TCEA1: variants seen among roughly 807,000 people sequenced by gnomAD.
The protein encoded by TCEA1 is transcription elongation factor A1.
Under a neutral mutation model 43.8 loss-of-function variants are expected in TCEA1, and 21 were observed. The observed-to-expected ratio is 0.48, with a 90% CI of 0.34 to 0.69. The LOEUF (loss-of-function observed/expected upper bound fraction) is 0.69. Ranked by LOEUF, TCEA1 falls within the 30% of genes least tolerant of loss-of-function variation. The pLI, the probability that TCEA1 is intolerant of heterozygous loss-of-function variation, is 0.01. For synonymous variants in TCEA1, 104 were observed against 117.5 expected (o/e 0.88, Z 0.75); for missense variants, 250 against 365.1 (o/e 0.68, Z 2.57).
intron 2 of TCEA1, among the ~76,000 whole-genome samples, chr8:54,002,472 A>C (rs1778461327): frequency 6.6e-6 from 1 of 151,964 alleles, no homozygotes; most frequent in African/African-American, 2.4e-5. Context: ...CCGTCTCAAA[A>C]AAAAAAAGAA....
At chr8:54,003,386 A>G (rs1804334713) in intron 2 of TCEA1, among the ~76,000 whole-genome samples, 1 of 152,210 alleles carries the variant, frequency 6.6e-6, no homozygotes, top group Non-Finnish European at 1.5e-5. Flanking sequence ...CCATACAGAA[A>G]TGCAAAGGAC....
At chr8:53,978,799 C>T in intron 8 of TCEA1, 2 of 413,976 alleles carry the variant, frequency 4.8e-6, no homozygotes, top group South Asian at 6.5e-5. Context: ...CTTCCTATGC[C>T]TAATTTATAA....
intron 1 of TCEA1, among the ~76,000 whole-genome samples, chr8:54,019,502 G>A (rs1586045032): frequency 2.0e-5 from 3 of 151,456 alleles, no homozygotes; most frequent in Non-Finnish European, 4.4e-5. Context: ...CTGGGGAGGC[G>A]GAGGTTGCAG....
At chr8:53,971,987 A>C (rs1042087336) in intron 8 of TCEA1, 1 of 193,788 alleles carries the variant, frequency 5.2e-6, no homozygotes, top group Non-Finnish European at 1.0e-5. Context: ...AAGAGAAAAA[A>C]AACATTATTC....
At chr8:53,980,884 T>C (rs1018353584) in intron 7 of TCEA1, among the ~76,000 whole-genome samples, 4 of 152,196 alleles carry the variant, frequency 2.6e-5, no homozygotes, top group Admixed American at 1.3e-4. Flanking sequence ...GTTAGCCAAA[T>C]TGTGAATGCA....
intron 3 of TCEA1, among the ~76,000 whole-genome samples, chr8:53,998,443 G>A (rs76733857): frequency 0.033 from 5,053 of 152,206 alleles, 125 homozygotes; most frequent in Non-Finnish European, 0.052. Flanking sequence ...TATAGGAAAT[G>A]ACCTTGTTTC....
chr8:54,002,955 G>A (rs1304693995), intron 2 of TCEA1: 1 of 456,302 alleles, frequency 2.2e-6, no homozygotes, highest in Non-Finnish European at 4.4e-6. Flanking sequence ...TGGAAAAGCA[G>A]AAAGGAATGA....
chr8:54,014,124 CAGAAA>C (rs1023839598), intron 1 of TCEA1, among the ~76,000 whole-genome samples: 4 of 152,110 alleles, frequency 2.6e-5, no homozygotes, highest in African/African-American at 9.7e-5. Flanking sequence ...AACTTAAACC[CAGAAA>C]AGAAAAGTGA....
At chr8:53,969,151 A>G (rs541180957) in intron 9 of TCEA1, among the ~76,000 whole-genome samples, 2 of 152,276 alleles carry the variant, frequency 1.3e-5, no homozygotes, top group East Asian at 1.9e-4. Context: ...TTAGCTGGGC[A>G]TGGTGGCACA....
At chr8:53,984,060 A>AT (rs1803608174) in intron 7 of TCEA1, among the ~76,000 whole-genome samples, 2 of 152,238 alleles carry the variant, frequency 1.3e-5, no homozygotes, top group South Asian at 4.1e-4. Context: ...AGATCGTGCC[A>AT]TTGCACTCCA....
chr8:53,979,523 A>C (rs982003465), intron 7 of TCEA1, among the ~76,000 whole-genome samples: 21 of 152,230 alleles, frequency 1.4e-4, no homozygotes, highest in Admixed American at 1.0e-3. Flanking sequence ...GCACAGGCCA[A>C]GTTAACCATG....
At chr8:53,982,953 G>A (rs1309841273) in intron 7 of TCEA1, among the ~76,000 whole-genome samples, 1 of 152,092 alleles carries the variant, frequency 6.6e-6, no homozygotes, top group Non-Finnish European at 1.5e-5. Context: ...AGCATCACAG[G>A]CTACCAAGAA....
intron 7 of TCEA1, among the ~76,000 whole-genome samples, chr8:53,981,947 T>G (rs1232118022): frequency 1.4e-5 from 2 of 147,244 alleles, no homozygotes; most frequent in African/African-American, 4.9e-5. Context: ...TTTTTTTTTG[T>G]AGAGATGGGA....
chr8:54,002,794 C>T (rs899569144), intron 2 of TCEA1: 6 of 420,146 alleles, frequency 1.4e-5, no homozygotes, highest in Non-Finnish European at 2.8e-5. Context: ...TGAAAGCTTT[C>T]AGGACAAACT....
intron 2 of TCEA1, among the ~76,000 whole-genome samples, chr8:54,002,558 T>A: frequency 1.4e-5 from 2 of 144,060 alleles, no homozygotes; most frequent in East Asian, 2.3e-4. Context: ...CCTTTGGGGG[T>A]ACCATGGAAA....
At chr8:54,002,941 C>G in intron 2 of TCEA1, 1 of 456,230 alleles carries the variant, frequency 2.2e-6, no homozygotes, top group South Asian at 1.5e-5. Flanking sequence ...CAGCTGCACA[C>G]TGATGGAAAA....
chr8:53,977,618 T>C (rs1192872628), intron 8 of TCEA1, among the ~76,000 whole-genome samples: 1 of 152,094 alleles, frequency 6.6e-6, no homozygotes, highest in Non-Finnish European at 1.5e-5. Flanking sequence ...ATCTGAAACA[T>C]AGTAAGTTGT....
chr8:54,014,034 TTC>T (rs1382838596), intron 1 of TCEA1, among the ~76,000 whole-genome samples: 1 of 152,166 alleles, frequency 6.6e-6, no homozygotes, highest in Non-Finnish European at 1.5e-5. Flanking sequence ...CTGAAACCCT[TTC>T]TGACATCAGG....
chr8:53,989,168 C>A (rs1333735317), intron 4 of TCEA1, among the ~76,000 whole-genome samples: 1 of 152,154 alleles, frequency 6.6e-6, no homozygotes, highest in Non-Finnish European at 1.5e-5. Flanking sequence ...AGTCATGAGG[C>A]TACAAAATGG....
Sources: gnomAD v4.1 joint callset for allele counts (sites outside exome capture counted in the v4.1 genomes callset) on GRCh38, gnomAD v4.1.1 for gene constraint, MANE v1.5 for transcripts, NCBI Gene and HGNC (gene_info 2026-07-23, HGNC 2026-07-21) for gene names.